DCLK1: variants seen among roughly 807,000 people sequenced by gnomAD.
DCLK1 encodes serine/threonine-protein kinase DCLK1.
In DCLK1, 16 loss-of-function variants were observed where a neutral mutation model predicts 86.2. The ratio of observed to expected loss-of-function variants is 0.19; its 90% CI spans 0.13 to 0.28. The LOEUF (loss-of-function observed/expected upper bound fraction) is 0.28, where lower values mean the gene tolerates loss of function less well. DCLK1 is among the 10% of genes least tolerant of loss of function. The probability of loss-of-function intolerance (pLI) is 1.00; values close to 1 mark genes in which losing one functional copy is unlikely to be tolerated. For synonymous variants in DCLK1, 369 were observed against 370.5 expected, an observed-to-expected ratio of 1.00 and a Z score of 0.05; for missense variants, 590 against 940.2, an observed-to-expected ratio of 0.63 and a Z score of 4.87.
intron 4 of DCLK1, among the ~76,000 whole-genome samples, chr13:35,919,808 T>G (rs1875683425): frequency 6.6e-6 from 1 of 150,550 alleles, no homozygotes; most frequent in Non-Finnish European, 1.5e-5. Flanking sequence ...CAAAAAAAAT[T>G]TTTTTTCATT....
At chr13:35,855,152 G>A (rs768272122) in intron 5 of DCLK1, among the ~76,000 whole-genome samples, 11 of 152,194 alleles carry the variant, frequency 7.2e-5, no homozygotes, top group Non-Finnish European at 1.5e-4. Context: ...CACAGACGCT[G>A]AGAAACTCCT....
chr13:36,045,332 GTATA>G (rs1174545505), intron 3 of DCLK1, among the ~76,000 whole-genome samples: 1,640 of 55,374 alleles, frequency 0.03, 15 homozygotes, highest in Non-Finnish European at 0.032. Context: ...GTGTGTGTGT[GTATA>G]TATATATATA....
chr13:36,082,803 C>T (rs1206365556), intron 3 of DCLK1, among the ~76,000 whole-genome samples: 1 of 152,164 alleles, frequency 6.6e-6, no homozygotes, highest in African/African-American at 2.4e-5. Context: ...AAAACCTGAG[C>T]TGAATGAGCC....
At chr13:35,797,079 C>T (rs1267005122) in intron 15 of DCLK1, among the ~76,000 whole-genome samples, 1 of 152,152 alleles carries the variant, frequency 6.6e-6, no homozygotes, top group Admixed American at 6.5e-5. Flanking sequence ...ATCCTATGTG[C>T]AGCAAGCAGT....
chr13:36,114,660 T>C (rs1390558827), intron 2 of DCLK1, among the ~76,000 whole-genome samples: 1 of 152,254 alleles, frequency 6.6e-6, no homozygotes, highest in African/African-American at 2.4e-5. Context: ...ATGTATTAAC[T>C]ATTTTTACAG....
At position 35,823,937 on chromosome 13, in the gene DCLK1, C is replaced by T. The variant is rs537966721; in HGVS notation, c.1408-1062G>A. ...CCCCCAAGCTGCAACGGTTCTCAAG[C>T]TAACCACACAAATTTTTTTTTTCAA... is the stretch of plus-strand genomic sequence containing the variant. On this transcript the variant is annotated intron_variant, in intron 10 of 16. Transcript: ENST00000360631. Among the ~76,000 whole-genome samples the T allele has an allele frequency of 5.9e-5, 9 of 152,320 alleles. No individual in the cohort carries two copies. The South Asian group carries it at 1.9e-3, about 32-fold the overall frequency.
At chr13:35,871,492 C>T in intron 4 of DCLK1, 152 bp from the exon 5 acceptor site, 4 of 680,820 alleles carry the variant, frequency 5.9e-6, no homozygotes, top group African/African-American at 1.8e-5. Context: ...GTCAATGAAA[C>T]CAAGAAAACA....
At chr13:35,978,561 T>C (rs781277115) in intron 3 of DCLK1, among the ~76,000 whole-genome samples, 2 of 152,138 alleles carry the variant, frequency 1.3e-5, no homozygotes, top group African/African-American at 2.4e-5. Context: ...TATAATATTC[T>C]TTCCATTCTC....
At chr13:35,874,945 T>C (rs1464165036) in intron 4 of DCLK1, among the ~76,000 whole-genome samples, 1 of 152,256 alleles carries the variant, frequency 6.6e-6, no homozygotes, top group Non-Finnish European at 1.5e-5. Flanking sequence ...CCCATTGGCA[T>C]GCTTCCTCGT....
intron 5 of DCLK1, chr13:35,855,599 C>G (rs967186700): frequency 7.7e-6 from 12 of 1,555,750 alleles, no homozygotes; most frequent in Non-Finnish European, 1.0e-5. Context: ...CAAGCACCCG[C>G]GGAAATGGGA....
chr13:35,867,909 A>AAAAGAAAGAAAGAAAGAAAGAAAG (rs34489580), intron 5 of DCLK1, among the ~76,000 whole-genome samples: 1,606 of 102,382 alleles, frequency 0.016, 33 homozygotes, highest in East Asian at 0.018. Flanking sequence ...GAAAGAAAGA[A>AAAAGAAAGAAAGAAAGAAAGAAAG]AAAGAAAGAA....
At chr13:35,816,793 C>T (rs375325441) in intron 11 of DCLK1, among the ~76,000 whole-genome samples, 12 of 152,160 alleles carry the variant, frequency 7.9e-5, no homozygotes, top group African/African-American at 2.7e-4. Flanking sequence ...GATAACTTAT[C>T]TCCATATATA....
chr13:35,992,117 C>A (rs1274937464), intron 3 of DCLK1, among the ~76,000 whole-genome samples: 1 of 152,140 alleles, frequency 6.6e-6, no homozygotes, highest in Non-Finnish European at 1.5e-5. Flanking sequence ...ATAATGAAAT[C>A]ATAGATTATA....
intron 4 of DCLK1, among the ~76,000 whole-genome samples, chr13:35,937,658 G>T (rs74046166): frequency 0.059 from 8,926 of 152,168 alleles, 849 homozygotes; most frequent in African/African-American, 0.2. Context: ...TTGCTGAGGT[G>T]CCATCCAGTG....
At chr13:35,788,905 A>G (rs141800329) in intron 16 of DCLK1, among the ~76,000 whole-genome samples, 228 of 152,364 alleles carry the variant, frequency 1.5e-3, no homozygotes, top group African/African-American at 5.1e-3. Context: ...AGAGTATAAA[A>G]CAGTCAATAA....
intron 4 of DCLK1, among the ~76,000 whole-genome samples, chr13:35,918,222 C>CT (rs1566602193): frequency 6.6e-6 from 1 of 152,172 alleles, no homozygotes; most frequent in Non-Finnish European, 1.5e-5. Context: ...TAAATGTACT[C>CT]TTCCCACCAA....
At chr13:35,794,093 G>GTC (rs1285104193) in intron 15 of DCLK1, among the ~76,000 whole-genome samples, 8 of 152,152 alleles carry the variant, frequency 5.3e-5, no homozygotes, top group Non-Finnish European at 8.8e-5. Context: ...TTTAACCAAG[G>GTC]TCTCTATTCT....
chr13:35,823,014 T>C (rs1179590480), intron 10 of DCLK1, 139 bp from the exon 11 acceptor site: 8 of 1,050,958 alleles, frequency 7.6e-6, no homozygotes, highest in Non-Finnish European at 1.1e-5. Flanking sequence ...TCCTGCTACT[T>C]TCCTTTCAAA....
At chr13:36,011,269 CT>C (rs1881254767) in intron 3 of DCLK1, among the ~76,000 whole-genome samples, 1 of 70,992 alleles carries the variant, frequency 1.4e-5, no homozygotes, top group East Asian at 2.6e-4. Context: ...CTTCTGCTAG[CT>C]TTTGAATGTG....
Sources: gnomAD v4.1 joint callset for allele counts (sites outside exome capture counted in the v4.1 genomes callset) on GRCh38, gnomAD v4.1.1 for gene constraint, MANE v1.5 for transcripts, NCBI Gene and HGNC (gene_info 2026-07-23, HGNC 2026-07-21) for gene names.